SDK1: variants seen among roughly 807,000 people sequenced by gnomAD.
SDK1 encodes sidekick cell adhesion molecule 1.
A neutral mutation model predicts 245.5 loss-of-function variants in SDK1; 157 were observed. That is an observed-to-expected ratio of 0.64 (90% CI 0.56 to 0.73). The LOEUF (loss-of-function observed/expected upper bound fraction) is 0.73. Among genes scored for constraint, SDK1 ranks in the 30% least tolerant of loss-of-function variants. The pLI is 0.00. For missense variants in SDK1, 3,583 were observed against 3,002.3 expected (o/e 1.19, Z -4.52); for synonymous variants, 1,647 against 1,278.5 (o/e 1.29, Z -6.15).
rs548443551 is a variant in SDK1 at position 3,483,342 on chromosome 7, C to G, written c.299-135738C>G. 2.6e-5 allele frequency among the ~76,000 whole-genome samples: 4 copies of G among 152,012 alleles called. No individual in the cohort carries two copies. In the South Asian group the frequency reaches 8.3e-4, roughly 32 times the overall value. ...TTTTTTAGTTTTATACCCACTTTTC[C>G]ATTTATGTTGCTCTTTCCTATTAAA... On this transcript the variant is annotated intron_variant, in intron 1 of 44. Coordinates refer to ENST00000404826, the MANE Select transcript of SDK1 (RefSeq NM_152744.4).
At chr7:3,595,311 T>A (rs1781018084) in intron 1 of SDK1, among the ~76,000 whole-genome samples, 1 of 152,156 alleles carries the variant, frequency 6.6e-6, no homozygotes, top group Non-Finnish European at 1.5e-5. Flanking sequence ...AAATTATATA[T>A]AAATTCATTT....
At chr7:3,944,102 A>C (rs75862062) in intron 5 of SDK1, among the ~76,000 whole-genome samples, 2,070 of 152,334 alleles carry the variant, frequency 0.014, 32 homozygotes, top group Middle Eastern at 0.024. Context: ...ATTTTTGCTT[A>C]ACAGAGCACA....
chr7:3,461,105 T>C (rs879854334), intron 1 of SDK1, among the ~76,000 whole-genome samples: 1 of 152,146 alleles, frequency 6.6e-6, no homozygotes, highest in Non-Finnish European at 1.5e-5. Flanking sequence ...TATATGATGG[T>C]TGATGTGTTG....
chr7:3,349,256 A>G (rs752186237), intron 1 of SDK1, among the ~76,000 whole-genome samples: 1 of 152,058 alleles, frequency 6.6e-6, no homozygotes, highest in Non-Finnish European at 1.5e-5. Context: ...TATACCTTTG[A>G]CTTTATGAGG....
chr7:3,577,566 T>C (rs904767552), intron 1 of SDK1, among the ~76,000 whole-genome samples: 1 of 152,042 alleles, frequency 6.6e-6, no homozygotes, highest in East Asian at 1.9e-4. Flanking sequence ...AGGTCCATGA[T>C]GGAACCTCCC....
intron 4 of SDK1, among the ~76,000 whole-genome samples, chr7:3,775,525 C>G (rs1780527017): frequency 6.6e-6 from 1 of 150,900 alleles, no homozygotes; most frequent in Non-Finnish European, 1.5e-5. Context: ...ACTGATGTTT[C>G]TAAATCAGCC....
At chr7:3,557,197 T>G (rs1779615711) in intron 1 of SDK1, among the ~76,000 whole-genome samples, 1 of 152,118 alleles carries the variant, frequency 6.6e-6, no homozygotes, top group Non-Finnish European at 1.5e-5. Flanking sequence ...ATAAAATTGA[T>G]AAATCTGTAA....
intron 1 of SDK1, among the ~76,000 whole-genome samples, chr7:3,473,816 T>G (rs1245635928): frequency 6.6e-6 from 1 of 152,160 alleles, no homozygotes; most frequent in Non-Finnish European, 1.5e-5. Flanking sequence ...AGCTGAAAAT[T>G]TTAGACCACC....
chr7:3,618,972 C>G (rs578042457), intron 1 of SDK1, 108 bp from the exon 2 acceptor site: 2 of 947,254 alleles, frequency 2.1e-6, no homozygotes, highest in East Asian at 2.7e-5. Flanking sequence ...ACAGCCATCA[C>G]TTTCATTTTA....
chr7:3,332,834 G>C (rs1583695842), intron 1 of SDK1, among the ~76,000 whole-genome samples: 1 of 152,142 alleles, frequency 6.6e-6, no homozygotes, highest in Non-Finnish European at 1.5e-5. Context: ...TTTTTTATGT[G>C]ATTCTCATTA....
rs1445699994 is a variant in SDK1, at chr7:3,962,694, C to T, written c.1272C>T (p.Ala424=). 1 of 1,613,520 alleles carries T rather than the reference C, an allele frequency of 6.2e-7. No homozygotes were observed. The highest frequency in any genetic ancestry group is 1.3e-5 in the African/African-American group (1 of 74,912). Residue 424 remains alanine, a synonymous_variant, in exon 9 of 45, where the codon GCC becomes GCT. Coordinates refer to ENST00000404826, the MANE Select transcript of SDK1 (RefSeq NM_152744.4). ...PLPTLQWYKD[A]ISISRLQNPR... ...CCACCCTCCAGTGGTACAAGGATGC[C>T]ATCTCCATCAGCAGGCTCCAGAATC... is the stretch of plus-strand genomic sequence containing the variant.
intron 4 of SDK1, among the ~76,000 whole-genome samples, chr7:3,708,147 G>A (rs1027394821): frequency 1.3e-5 from 2 of 152,152 alleles, no homozygotes; most frequent in African/African-American, 2.4e-5. Context: ...ACAGGAACAG[G>A]AGCAAGAGAG....
intron 1 of SDK1, among the ~76,000 whole-genome samples, chr7:3,599,118 A>G (rs1164209683): frequency 9.0e-6 from 1 of 111,346 alleles, no homozygotes; most frequent in Non-Finnish European, 1.7e-5. Context: ...TTTTTTTTAC[A>G]TCCTCACCGG....
At chr7:3,969,152 G>C (rs1305282877) in intron 10 of SDK1, 105 bp from the exon 11 acceptor site, 2 of 1,039,900 alleles carry the variant, frequency 1.9e-6, no homozygotes, top group African/African-American at 1.6e-5. Flanking sequence ...ACTTGGGTGG[G>C]GACACGGAGC....
intron 43 of SDK1, 35 bp from the exon 44 acceptor site, chr7:4,245,641 C>T (rs1331332917): frequency 1.2e-6 from 2 of 1,605,796 alleles, no homozygotes; most frequent in Non-Finnish European, 1.7e-6. Flanking sequence ...CGTCTTTTGC[C>T]CAGAGGGTAA....
chr7:4,248,426 C>T (rs559286796), intron 44 of SDK1, among the ~76,000 whole-genome samples: 28 of 151,376 alleles, frequency 1.8e-4, no homozygotes, highest in South Asian at 4.2e-4. Flanking sequence ...CATGCACACA[C>T]GTATACCTAT....
intron 29 of SDK1, 101 bp from the exon 30 acceptor site, chr7:4,149,160 TG>T: frequency 2.2e-6 from 2 of 915,624 alleles, no homozygotes; most frequent in Non-Finnish European, 1.5e-6. Flanking sequence ...GCAGCTCTCA[TG>T]GGCAAGCAGT....
intron 1 of SDK1, among the ~76,000 whole-genome samples, chr7:3,595,687 AGTC>A (rs1781030489): frequency 6.6e-6 from 1 of 151,988 alleles, no homozygotes; most frequent in Admixed American, 6.6e-5. Flanking sequence ...ACTTTGAACT[AGTC>A]AAAGTTACCA....
chr7:4,178,796 A>G (rs922458010), intron 35 of SDK1, among the ~76,000 whole-genome samples: 1 of 152,250 alleles, frequency 6.6e-6, no homozygotes, highest in Non-Finnish European at 1.5e-5. Flanking sequence ...TGAATGGTCA[A>G]GTCTTGCTTT....
Sources: gnomAD v4.1 joint callset for allele counts (sites outside exome capture counted in the v4.1 genomes callset) on GRCh38, gnomAD v4.1.1 for gene constraint, MANE v1.5 for transcripts, NCBI Gene and HGNC (gene_info 2026-07-23, HGNC 2026-07-21) for gene names.